Variants in TLN2 observed in about 807,000 individuals in gnomAD.
TLN2 encodes the protein talin-2.
A neutral mutation model predicts 294.7 loss-of-function variants in TLN2; 118 were observed. The ratio of observed to expected loss-of-function variants is 0.40; its 90% CI spans 0.34 to 0.47. The LOEUF (loss-of-function observed/expected upper bound fraction) is 0.47, where lower values mean the gene tolerates loss of function less well. Among genes scored for constraint, TLN2 ranks in the 20% least tolerant of loss-of-function variants. The pLI is 0.84. For synonymous variants in TLN2, 1,431 were observed against 1,304.5 expected, an observed-to-expected ratio of 1.10 and a Z score of -2.09; for missense variants, 3,083 against 3,282.2, an observed-to-expected ratio of 0.94 and a Z score of 1.48.
intron 9 of TLN2, among the ~76,000 whole-genome samples, chr15:62,661,653 C>G (rs576008468): frequency 6.6e-6 from 1 of 152,260 alleles, no homozygotes; most frequent in South Asian, 2.1e-4. Flanking sequence ...AACAGAGATT[C>G]TCATTGAATG....
At chr15:62,410,710 G>C (rs2033723401) in intron 1 of TLN2, among the ~76,000 whole-genome samples, 2 of 152,196 alleles carry the variant, frequency 1.3e-5, no homozygotes, top group Non-Finnish European at 2.9e-5. Context: ...TTCTTTCTTA[G>C]AACCACATCT....
intron 1 of TLN2, among the ~76,000 whole-genome samples, chr15:62,567,053 C>G (rs372915127): frequency 6.6e-6 from 1 of 152,170 alleles, no homozygotes; most frequent in African/African-American, 2.4e-5. Context: ...GACATAGTTA[C>G]GATCATAAGT....
At chr15:62,622,261 G>C (rs557634826) in intron 3 of TLN2, among the ~76,000 whole-genome samples, 1 of 152,160 alleles carries the variant, frequency 6.6e-6, no homozygotes, top group South Asian at 2.1e-4. Context: ...GAGATAATTA[G>C]TAGAACCTTC....
chr15:62,827,074 G>GTAAGTTAAGT (rs3055855), intron 54 of TLN2, among the ~76,000 whole-genome samples: 6 of 151,738 alleles, frequency 4.0e-5, no homozygotes, highest in Admixed American at 6.6e-5. Flanking sequence ...TTCCCTCAAA[G>GTAAGTTAAGT]TAAGTTTTCA....
rs750327152 is a variant in TLN2, at chr15:62,836,065, C to T, written c.7366C>T (p.Arg2456Trp). ...CGACCAGGATTCAGAGGCCATGAGGCGGCTACAGGTAATGGTCACTGATGC... is the reference window on the plus strand; with the variant it reads ...CGACCAGGATTCAGAGGCCATGAGGTGGCTACAGGTAATGGTCACTGATGC... ...KADQDSEAMRRLQAAGNAVKR... is the reference protein window; with the variant it reads ...KADQDSEAMRWLQAAGNAVKR... Residue 2456 changes from arginine (R) to tryptophan (W), a missense_variant, in exon 57 of 59, where the codon CGG (arginine) becomes TGG (tryptophan). Coordinates refer to ENST00000636159, the MANE Select transcript of TLN2 (RefSeq NM_015059.3). 7.5e-6 allele frequency: 12 copies of T among 1,609,024 alleles called. No individual in the cohort carries two copies. The Admixed American group carries it at 1.2e-4, about 16-fold the overall frequency.
At chr15:62,664,437 A>G (rs999296937) in intron 9 of TLN2, among the ~76,000 whole-genome samples, 1 of 152,096 alleles carries the variant, frequency 6.6e-6, no homozygotes, top group African/African-American at 2.4e-5. Flanking sequence ...TTTATAGAGG[A>G]AACAAGGTAT....
At chr15:62,785,460 A>G (rs2064560157) in intron 45 of TLN2, among the ~76,000 whole-genome samples, 1 of 152,144 alleles carries the variant, frequency 6.6e-6, no homozygotes, top group East Asian at 1.9e-4. Flanking sequence ...TTAGGAGTTC[A>G]AGACCCAGCC....
chr15:62,567,312 A>G (rs2043483357), intron 1 of TLN2, among the ~76,000 whole-genome samples: 1 of 152,242 alleles, frequency 6.6e-6, no homozygotes, highest in African/African-American at 2.4e-5. Flanking sequence ...TAAATCTGCA[A>G]CATTGTGATT....
chr15:62,471,078 C>T (rs2037447030), intron 1 of TLN2, among the ~76,000 whole-genome samples: 1 of 152,188 alleles, frequency 6.6e-6, no homozygotes, highest in Non-Finnish European at 1.5e-5. Context: ...GCATGTGTGG[C>T]TTACACCTGT....
intron 30 of TLN2, among the ~76,000 whole-genome samples, chr15:62,738,787 T>C (rs1364867138): frequency 6.6e-6 from 1 of 152,170 alleles, no homozygotes; most frequent in Non-Finnish European, 1.5e-5. Context: ...TCTGCACAGG[T>C]ATAGAGGCAA....
At chr15:62,482,564 C>T (rs563500986) in intron 1 of TLN2, among the ~76,000 whole-genome samples, 20 of 141,712 alleles carry the variant, frequency 1.4e-4, no homozygotes, top group African/African-American at 5.1e-4. Context: ...ATCGTGCCAT[C>T]GCACTCCAGC....
At chr15:62,502,873 G>A (rs2039379163) in intron 1 of TLN2, among the ~76,000 whole-genome samples, 1 of 152,140 alleles carries the variant, frequency 6.6e-6, no homozygotes, top group South Asian at 2.1e-4. Flanking sequence ...GTACTGTTTG[G>A]TAACAACTTT....
intron 1 of TLN2, among the ~76,000 whole-genome samples, chr15:62,485,675 A>G (rs957666500): frequency 2.6e-5 from 4 of 152,240 alleles, no homozygotes; most frequent in African/African-American, 9.6e-5. Flanking sequence ...TAGTTAAATC[A>G]GGTAACCTTT....
intron 1 of TLN2, among the ~76,000 whole-genome samples, chr15:62,535,631 C>G (rs2041303377): frequency 6.6e-6 from 1 of 151,378 alleles, no homozygotes; most frequent in African/African-American, 2.4e-5. Context: ...TTGCAGCTCA[C>G]TGCAACCTCT....
At chr15:62,621,062 A>G (rs2048781750) in intron 3 of TLN2, among the ~76,000 whole-genome samples, 1 of 148,564 alleles carries the variant, frequency 6.7e-6, no homozygotes, top group African/African-American at 2.5e-5. Context: ...GATGGTCTCG[A>G]TCTCCTGACC....
chr15:62,742,355 G>C (rs537457713), intron 32 of TLN2, among the ~76,000 whole-genome samples: 3 of 152,036 alleles, frequency 2.0e-5, no homozygotes, highest in Non-Finnish European at 4.4e-5. Context: ...TCCTACAAAG[G>C]AGCCTTTGGA....
At position 62,694,821 on chromosome 15, in the gene TLN2, G is replaced by A. The variant is rs188243246; in HGVS notation, c.1292+429G>A. 4.8e-3 allele frequency among the ~76,000 whole-genome samples: 738 copies of A among 152,280 alleles called. 6 individuals are homozygous for A. Among genetic ancestry groups the A allele is most frequent in the Admixed American group, 0.012 (185 of 15,292 alleles). On this transcript the variant is annotated intron_variant, in intron 14 of 58. Coordinates refer to ENST00000636159, the MANE Select transcript of TLN2 (RefSeq NM_015059.3). Reference sequence around the variant, plus strand: ...ACGGTGAAGCACTGCTGCATGCCACGCTTGTCTCGAGTGCTGTGAGGTAGC... The same window carrying A: ...ACGGTGAAGCACTGCTGCATGCCACACTTGTCTCGAGTGCTGTGAGGTAGC...
intron 1 of TLN2, among the ~76,000 whole-genome samples, chr15:62,532,020 A>C (rs1310130479): frequency 6.6e-6 from 1 of 150,606 alleles, no homozygotes; most frequent in African/African-American, 2.5e-5. Flanking sequence ...ACTGGGAATA[A>C]TTATTTTTTT....
chr15:62,662,485 A>G (rs1268166615), intron 9 of TLN2, among the ~76,000 whole-genome samples: 1 of 152,236 alleles, frequency 6.6e-6, no homozygotes, highest in Non-Finnish European at 1.5e-5. Context: ...TCTTCCTCAC[A>G]AAAGTTGATC....
Sources: allele counts gnomAD v4.1 joint callset (sites outside exome capture counted in the v4.1 genomes callset), GRCh38; gene constraint gnomAD v4.1.1; transcripts MANE v1.5; gene names NCBI Gene and HGNC (gene_info 2026-07-23, HGNC 2026-07-21).